The following RELN variants were observed in gnomAD, a reference collection of about 807,000 sequenced individuals.
The protein encoded by RELN is reelin.
RELN carries 108 observed loss-of-function variants against 427.6 expected under a neutral mutation model. The ratio of observed to expected loss-of-function variants is 0.25; its 90% CI spans 0.22 to 0.30. The LOEUF is 0.30. Ranked by LOEUF, RELN falls within the 10% of genes least tolerant of loss-of-function variation. The pLI is 1.00. For missense variants in RELN, 3,715 were observed against 4,302.8 expected, an observed-to-expected ratio of 0.86 and a Z score of 3.82; for synonymous variants, 1,524 against 1,513.4, an observed-to-expected ratio of 1.01 and a Z score of -0.16.
At chr7:103,723,018 G>A in intron 8 of RELN, 122 bp downstream of exon 8, 1 of 672,770 alleles carries the variant, frequency 1.5e-6, no homozygotes, top group South Asian at 1.7e-5. Flanking sequence ...ATTATTTACT[G>A]CAAAATTAAG....
chr7:103,899,071 A>T (rs1795024278), intron 2 of RELN, among the ~76,000 whole-genome samples: 1 of 152,112 alleles, frequency 6.6e-6, no homozygotes, highest in Non-Finnish European at 1.5e-5. Context: ...GAAAAGAGAG[A>T]AGAATCGAAT....
At chr7:103,668,634 A>G (rs1833323377) in intron 11 of RELN, among the ~76,000 whole-genome samples, 1 of 152,260 alleles carries the variant, frequency 6.6e-6, no homozygotes, top group African/African-American at 2.4e-5. Context: ...ATTCTTTTAA[A>G]AAAATTTTAA....
In RELN at chr7:103,483,863, G is replaced by A. The variant is rs1251212588; in HGVS notation, c.9984-13C>T. 6.2e-7 allele frequency: 1 copy of A among 1,612,432 alleles called. No individual in the cohort carries two copies. Among genetic ancestry groups the A allele is most frequent in the African/African-American group, 1.3e-5 (1 of 74,874 alleles). ...AAACATGATTTTGCTGAAAAACACA[G>A]GGAAATCATCTTTATTTTTATTTAT... On this transcript the variant is annotated splice_polypyrimidine_tract_variant and intron_variant, in intron 61 of 64. Coordinates refer to ENST00000428762, the MANE Select transcript of RELN (RefSeq NM_005045.4).
intron 41 of RELN, among the ~76,000 whole-genome samples, chr7:103,547,596 C>A (rs1830328480): frequency 2.0e-5 from 3 of 152,192 alleles, no homozygotes; most frequent in Admixed American, 6.5e-5. Context: ...CATGTCCAGT[C>A]CCAAACTCCA....
At chr7:103,984,760 T>A (rs1378799341) in intron 1 of RELN, among the ~76,000 whole-genome samples, 1 of 152,164 alleles carries the variant, frequency 6.6e-6, no homozygotes, top group African/African-American at 2.4e-5. Context: ...ATTTTGAAAG[T>A]TTAAATACAC....
chr7:103,948,290 C>T (rs1287824050), intron 1 of RELN, among the ~76,000 whole-genome samples: 1 of 152,186 alleles, frequency 6.6e-6, no homozygotes, highest in Non-Finnish European at 1.5e-5. Flanking sequence ...CATGCACACA[C>T]ACACATATAC....
chr7:103,783,160 C>CTTTTTTTTTTTTTTTTTTTTTTTTTTTTT (rs908073449), intron 3 of RELN, among the ~76,000 whole-genome samples: 1 of 81,628 alleles, frequency 1.2e-5, no homozygotes, highest in African/African-American at 5.6e-5. Flanking sequence ...TTTTCTCTTT[C>CTTTTTTTTTTTTTTTTTTTTTTTTTTTTT]TTTCTTTTTT....
intron 3 of RELN, among the ~76,000 whole-genome samples, chr7:103,806,104 T>C (rs1001882693): frequency 2.0e-5 from 3 of 152,222 alleles, no homozygotes; most frequent in African/African-American, 7.2e-5. Flanking sequence ...AAATCTAAAA[T>C]AGTCATGCTT....
At chr7:103,945,369 A>C (rs1156435138) in intron 1 of RELN, among the ~76,000 whole-genome samples, 1 of 152,144 alleles carries the variant, frequency 6.6e-6, no homozygotes, top group Non-Finnish European at 1.5e-5. Context: ...GGCCTCTCAG[A>C]CACTTTCCAA....
At chr7:103,739,711 C>G (rs111610697) in intron 6 of RELN, among the ~76,000 whole-genome samples, 6 of 152,156 alleles carry the variant, frequency 3.9e-5, no homozygotes, top group African/African-American at 1.4e-4. Flanking sequence ...TCAAACAAGT[C>G]AATCAGCAGC....
chr7:103,912,526 T>C (rs1306062633), intron 2 of RELN, among the ~76,000 whole-genome samples: 2 of 152,078 alleles, frequency 1.3e-5, no homozygotes, highest in Non-Finnish European at 2.9e-5. Context: ...TTAGAATTCC[T>C]AATTATTACA....
At chr7:103,941,454 A>G (rs1353345578) in intron 1 of RELN, among the ~76,000 whole-genome samples, 3 of 152,156 alleles carry the variant, frequency 2.0e-5, no homozygotes, top group Non-Finnish European at 2.9e-5. Flanking sequence ...CCCCATCTAG[A>G]GCTAATTGAT....
intron 52 of RELN, 70 bp from the exon 53 acceptor site, chr7:103,500,992 G>A: frequency 7.5e-7 from 1 of 1,336,418 alleles, no homozygotes; most frequent in Non-Finnish European, 1.1e-6. Flanking sequence ...TGTCCTGCAT[G>A]TGTATTCAGT....
chr7:103,760,253 T>TA lies in RELN; in HGVS notation c.545-7040dup, dbSNP rs749331587. On this transcript the variant is annotated intron_variant, in intron 4 of 64. Transcript: ENST00000428762. The stretch of plus-strand genomic sequence containing the variant: ...AGGAGACAAATCACATGCTAAAAGT[T>TA]AAAAAAAAAAGCTTCATTTCTTAAA... Among the ~76,000 whole-genome samples the TA allele has an allele frequency of 3.3e-3, 486 of 146,630 alleles. 6 individuals are homozygous for TA. In the East Asian group the frequency reaches 0.04, roughly 12 times the overall value.
intron 2 of RELN, among the ~76,000 whole-genome samples, chr7:103,898,732 C>T (rs941959505): frequency 1.3e-5 from 2 of 151,970 alleles, no homozygotes; most frequent in African/African-American, 4.8e-5. Flanking sequence ...TTTGTAAATG[C>T]TCTGAGTTTT....
intron 4 of RELN, among the ~76,000 whole-genome samples, chr7:103,762,597 T>A (rs913477846): frequency 6.6e-6 from 1 of 152,182 alleles, no homozygotes; most frequent in Non-Finnish European, 1.5e-5. Flanking sequence ...CTGAGCACAA[T>A]GTCTCACACA....
At position 103,540,192 on chromosome 7, in the gene RELN, C is replaced by T; in HGVS notation, c.6930+5G>A. ...ATTAAAATAGTTAATCCTGAAGGGA[C>T]TGACCTGATCGATAACCCAGGGGCT... On this transcript the variant is annotated splice_donor_5th_base_variant and intron_variant, in intron 44 of 64. Transcript: ENST00000428762. The T allele has an allele frequency of 6.2e-7, 1 of 1,614,166 alleles. No individual in the cohort carries two copies. Among genetic ancestry groups the T allele is most frequent in the Non-Finnish European group, 8.5e-7 (1 of 1,180,004 alleles).
At chr7:103,728,255 C>CGT (rs1562974971) in intron 6 of RELN, 48 bp from the exon 7 acceptor site, 13 of 1,540,486 alleles carry the variant, frequency 8.4e-6, no homozygotes, top group Non-Finnish European at 1.1e-5. Flanking sequence ...AAGTAGCACA[C>CGT]GTGGTTTACT....
chr7:103,759,466 A>C (rs1178282531), intron 4 of RELN, among the ~76,000 whole-genome samples: 1 of 152,176 alleles, frequency 6.6e-6, no homozygotes, highest in African/African-American at 2.4e-5. Context: ...TGAAAGCAGA[A>C]AAAGTGCATA....
Sources: gnomAD v4.1 joint callset for allele counts (sites outside exome capture counted in the v4.1 genomes callset) on GRCh38, gnomAD v4.1.1 for gene constraint, MANE v1.5 for transcripts, NCBI Gene and HGNC (gene_info 2026-07-23, HGNC 2026-07-21) for gene names.